The following USH2A variants were observed in gnomAD, a reference collection of about 807,000 sequenced individuals.
USH2A encodes Usher syndrome 2A (autosomal recessive, mild).
Under a neutral mutation model 538.9 loss-of-function variants are expected in USH2A, and 443 were observed. That is an observed-to-expected ratio of 0.82 (90% confidence interval 0.76 to 0.89). The LOEUF (loss-of-function observed/expected upper bound fraction) is 0.89. Among genes scored for constraint, USH2A ranks in the 40% least tolerant of loss-of-function variants. USH2A has a pLI of 0.00. For missense variants in USH2A, 6,633 were observed against 6,324.8 expected, an observed-to-expected ratio of 1.05 and a Z score of -1.65; for synonymous variants, 2,413 against 2,273.5, an observed-to-expected ratio of 1.06 and a Z score of -1.75.
At chr1:216,178,948 TG>T (rs1311276211) in intron 20 of USH2A, among the ~76,000 whole-genome samples, 1 of 152,166 alleles carries the variant, frequency 6.6e-6, no homozygotes, top group Non-Finnish European at 1.5e-5. Context: ...ATATTTGGTG[TG>T]TTGAGGATAG....
chr1:216,420,997 G>A (rs1380062831), intron 2 of USH2A, among the ~76,000 whole-genome samples: 1 of 152,050 alleles, frequency 6.6e-6, no homozygotes, highest in East Asian at 1.9e-4. Flanking sequence ...ACAAGAGAAA[G>A]GGCCAAAAGC....
chr1:215,639,253 G>T lies in USH2A; in HGVS notation c.14969-15C>A, dbSNP rs2102634740. The T allele has an allele frequency of 6.2e-7, 1 of 1,613,886 alleles. No homozygotes were observed. Among genetic ancestry groups the T allele is most frequent in the African/African-American group, 1.3e-5 (1 of 75,018 alleles). On this transcript the variant is annotated splice_polypyrimidine_tract_variant and intron_variant, in intron 68 of 71. Transcript: ENST00000307340. ...GAAAAAGAAGGCTAGACAAAAGGAA[G>T]AACTGGTAAATGACTTGTTCATTCA... is the stretch of plus-strand genomic sequence containing the variant.
In USH2A at chr1:216,348,243, G is replaced by A. The variant is rs12043110; in HGVS notation, c.784+16710C>T. On this transcript the variant is annotated intron_variant, in intron 4 of 71. Transcript: ENST00000307340. ...TAAGCATCTGTTTTATTTTGTAACA[G>A]GACACAATTGGAAAAATTTGTTATT... Among the ~76,000 whole-genome samples the A allele has an allele frequency of 6.8e-3, 1,034 of 152,164 alleles. 5 individuals carry two copies. Among genetic ancestry groups the A allele is most frequent in the East Asian group, 0.036 (185 of 5,166 alleles).
At chr1:216,421,238 A>G (rs1428466113) in intron 2 of USH2A, among the ~76,000 whole-genome samples, 2 of 152,118 alleles carry the variant, frequency 1.3e-5, no homozygotes, top group East Asian at 3.9e-4. Flanking sequence ...AATCTCTCAC[A>G]CTTACCTACA....
intron 36 of USH2A, among the ~76,000 whole-genome samples, chr1:215,967,949 C>A (rs1282346131): frequency 1.3e-5 from 2 of 152,118 alleles, no homozygotes; most frequent in African/African-American, 4.8e-5. Flanking sequence ...AAGACACAGT[C>A]ATAAAATTCT....
In USH2A at chr1:216,365,087, T is replaced by C. The variant is rs2038569690; in HGVS notation, c.652-2A>G. ...GAAGCTGATTTTTGTCTGATGCACC[T>C]GTAAGAAATTACCACCATTATTAGT... is the stretch of plus-strand genomic sequence containing the variant. On this transcript the variant is annotated splice_acceptor_variant, in intron 3 of 71. Coordinates refer to ENST00000307340, the MANE Select transcript of USH2A (RefSeq NM_206933.4). LOFTEE classifies it high-confidence loss of function. The C allele has an allele frequency of 2.5e-6, 4 of 1,611,234 alleles. No homozygotes were observed. The highest frequency in any genetic ancestry group is 3.4e-6 in the Non-Finnish European group (4 of 1,178,668).
chr1:216,363,462 G>A lies in USH2A; in HGVS notation c.784+1491C>T, dbSNP rs547427644. 6.3e-4 allele frequency among the ~76,000 whole-genome samples: 96 copies of A among 152,092 alleles called. 1 individual carries two copies. Among genetic ancestry groups the A allele is most frequent in the African/African-American group, 2.3e-3 (95 of 41,488 alleles). The stretch of plus-strand genomic sequence containing the variant: ...GTGAGGAAATGGGATATGAATTCAC[G>A]CAGGTTGGCACCAAATAGGATATTA... On this transcript the variant is annotated intron_variant, in intron 4 of 71. Coordinates refer to ENST00000307340, the MANE Select transcript of USH2A (RefSeq NM_206933.4).
intron 49 of USH2A, among the ~76,000 whole-genome samples, chr1:215,805,181 G>A (rs1265668753): frequency 1.3e-5 from 2 of 152,014 alleles, no homozygotes; most frequent in East Asian, 3.9e-4. Context: ...TATACCTAAT[G>A]TTAAATGACG....
intron 37 of USH2A, among the ~76,000 whole-genome samples, chr1:215,943,563 AGACCATGG>A (rs1427941053): frequency 1.3e-5 from 2 of 152,170 alleles, no homozygotes; most frequent in East Asian, 3.9e-4. Flanking sequence ...TCATGTGGTA[AGACCATGG>A]GACTGCCAGT....
chr1:215,969,398 G>T (rs1445894996), intron 36 of USH2A, among the ~76,000 whole-genome samples: 1 of 152,134 alleles, frequency 6.6e-6, no homozygotes, highest in Admixed American at 6.6e-5. Context: ...CAGGATGCAG[G>T]TTGATAATGC....
intron 60 of USH2A, among the ~76,000 whole-genome samples, chr1:215,740,637 G>T (rs949832270): frequency 1.3e-5 from 2 of 152,150 alleles, no homozygotes; most frequent in African/African-American, 4.8e-5. Context: ...TAATTAATGA[G>T]AAATATTAGA....
chr1:216,186,252 C>T (rs1483698582), intron 20 of USH2A, among the ~76,000 whole-genome samples: 1 of 151,452 alleles, frequency 6.6e-6, no homozygotes, highest in Non-Finnish European at 1.5e-5. Flanking sequence ...TTGAAATTTA[C>T]CACTATATCT....
Position 215,867,234 on chromosome 1 carries a change from ATTTC to A in USH2A, c.8682-68_8682-65del. ...TACTTTACAGAAAATCTAACAAATA[ATTTC>A]TTTTTTTCTTCACAAAATACAGGAT... On this transcript the variant is annotated intron_variant, in intron 43 of 71. Coordinates refer to ENST00000307340, the MANE Select transcript of USH2A (RefSeq NM_206933.4). 6 of 1,547,582 alleles carry A rather than the reference ATTTC, an allele frequency of 3.9e-6. No individual in the cohort carries two copies. In the South Asian group the frequency reaches 7.0e-5, roughly 18 times the overall value.
At chr1:216,085,155 AAC>A in intron 24 of USH2A, 1 of 370,820 alleles carries the variant, frequency 2.7e-6, no homozygotes, top group Non-Finnish European at 5.0e-6. Flanking sequence ...CTTTTCAACT[AAC>A]ACAGAAAATT....
intron 27 of USH2A, among the ~76,000 whole-genome samples, chr1:216,075,333 C>A (rs564483419): frequency 6.6e-6 from 1 of 152,102 alleles, no homozygotes; most frequent in Non-Finnish European, 1.5e-5. Flanking sequence ...CTCTGTACCA[C>A]CAGAAATGCT....
chr1:216,049,711 C>G (rs1333417307), intron 30 of USH2A, among the ~76,000 whole-genome samples: 1 of 152,066 alleles, frequency 6.6e-6, no homozygotes, highest in African/African-American at 2.4e-5. Context: ...ATTTCCCTCC[C>G]CAGTAGAAAA....
intron 22 of USH2A, among the ~76,000 whole-genome samples, chr1:216,093,847 A>G (rs947448250): frequency 6.6e-6 from 1 of 152,220 alleles, no homozygotes; most frequent in African/African-American, 2.4e-5. Context: ...GCAAAGTTTC[A>G]TTGAATAAAA....
In USH2A at chr1:215,934,799, AT is replaced by A; in HGVS notation, c.7121-5del. 1 of 1,604,286 alleles carries A rather than the reference AT, an allele frequency of 6.2e-7. No individual in the cohort carries two copies. The highest frequency in any genetic ancestry group is 1.3e-5 in the African/African-American group (1 of 74,724). ...AGAAGGGTGTAGTTATTACCTACTG[AT>A]TAAAAAAGAAAATTATTAAAATAAA... On this transcript the variant is annotated splice_region_variant and splice_polypyrimidine_tract_variant and intron_variant, in intron 37 of 71. Coordinates refer to ENST00000307340, the MANE Select transcript of USH2A (RefSeq NM_206933.4).
At chr1:215,752,020 C>A (rs904822986) in intron 58 of USH2A, among the ~76,000 whole-genome samples, 2 of 152,076 alleles carry the variant, frequency 1.3e-5, no homozygotes, top group African/African-American at 2.4e-5. Context: ...AAGATGCAGT[C>A]TTTGGAAAAT....
Sources: allele counts gnomAD v4.1 joint callset (sites outside exome capture counted in the v4.1 genomes callset), GRCh38; gene constraint gnomAD v4.1.1; transcripts MANE v1.5; gene names NCBI Gene and HGNC (gene_info 2026-07-23, HGNC 2026-07-21).